SGCD: variants seen among roughly 807,000 people sequenced by gnomAD.
SGCD encodes sarcoglycan delta.
SGCD carries 18 observed loss-of-function variants against 36.6 expected under a neutral mutation model. That is an observed-to-expected ratio of 0.49 (90% CI 0.34 to 0.73). SGCD has a LOEUF of 0.73. Among genes scored for constraint, SGCD ranks in the 30% least tolerant of loss-of-function variants. The probability of loss-of-function intolerance (pLI) is 0.01; values close to 1 mark genes in which losing one functional copy is unlikely to be tolerated. For missense variants in SGCD, 387 were observed against 346.7 expected (o/e 1.12, Z -0.92); for synonymous variants, 133 against 130.6 (o/e 1.02, Z -0.12).
intron 3 of SGCD, among the ~76,000 whole-genome samples, chr5:156,124,395 T>C (rs1762119107): frequency 6.6e-6 from 1 of 152,208 alleles, no homozygotes; most frequent in Non-Finnish European, 1.5e-5. Context: ...TGCTGTGTAA[T>C]ACACTGTTTA....
chr5:156,487,996 A>G (rs2127846389), intron 3 of SGCD, among the ~76,000 whole-genome samples: 1 of 147,212 alleles, frequency 6.8e-6, no homozygotes, highest in South Asian at 2.1e-4. Context: ...ATGAATCAAC[A>G]GAAATCCTGG....
chr5:156,363,802 AT>A (rs1484016016), intron 3 of SGCD, among the ~76,000 whole-genome samples: 1 of 152,120 alleles, frequency 6.6e-6, no homozygotes, highest in Non-Finnish European at 1.5e-5. Context: ...AAATTGATTA[AT>A]TTTGTCTTTT....
At chr5:156,581,903 T>C (rs562922272) in intron 4 of SGCD, among the ~76,000 whole-genome samples, 45 of 152,270 alleles carry the variant, frequency 3.0e-4, no homozygotes, top group African/African-American at 1.0e-3. Flanking sequence ...CCTGCCCTGC[T>C]TCAGCTCACC....
intron 3 of SGCD, among the ~76,000 whole-genome samples, chr5:156,388,283 G>T (rs1771383443): frequency 6.6e-6 from 1 of 152,116 alleles, no homozygotes. Flanking sequence ...CCCTATGATA[G>T]TTTCCTTGAA....
the SGCD span, among the ~76,000 whole-genome samples, chr5:155,788,246 G>A: frequency 7.2e-5 from 11 of 152,196 alleles, no homozygotes; most frequent in East Asian, 2.1e-3. Flanking sequence ...TTCTTAAATA[G>A]TTTAAGTATT....
chr5:156,733,219 T>C (rs536486103), intron 7 of SGCD, among the ~76,000 whole-genome samples: 1 of 152,182 alleles, frequency 6.6e-6, no homozygotes, highest in Admixed American at 6.5e-5. Context: ...TCTTAACACT[T>C]CCTTAGCTGT....
intron 3 of SGCD, among the ~76,000 whole-genome samples, chr5:156,365,712 A>T (rs1770060737): frequency 6.6e-6 from 1 of 152,200 alleles, no homozygotes; most frequent in African/African-American, 2.4e-5. Flanking sequence ...GTGTATGTAG[A>T]CATATATACA....
Position 156,408,132 on chromosome 5 carries a change from C to G in SGCD, c.192+63455C>G, listed in dbSNP as rs568035556. 5.3e-5 allele frequency among the ~76,000 whole-genome samples: 8 copies of G among 152,228 alleles called. 1 individual carries two copies. Among genetic ancestry groups the G allele is most frequent in the African/African-American group, 1.9e-4 (8 of 41,550 alleles). On this transcript the variant is annotated intron_variant, in intron 3 of 8. Coordinates refer to ENST00000337851, the MANE Select transcript of SGCD (RefSeq NM_000337.6). ...ATTATGAAATCATACCACATTCTAC[C>G]AAAAGTTTATTACTATCCTCTTAGC...
chr5:155,957,718 T>C (rs2113443620), intron 1 of SGCD, among the ~76,000 whole-genome samples: 1 of 152,226 alleles, frequency 6.6e-6, no homozygotes, highest in East Asian at 1.9e-4. Context: ...TGGGCCCATG[T>C]AGATAAACCA....
At chr5:156,423,587 G>A (rs1773526774) in intron 3 of SGCD, among the ~76,000 whole-genome samples, 1 of 150,630 alleles carries the variant, frequency 6.6e-6, no homozygotes, top group African/African-American at 2.4e-5. Context: ...GTTACAATTT[G>A]CATCTTGAGA....
At chr5:155,867,638 G>C (rs1411033601), upstream of SGCD, among the ~76,000 whole-genome samples, 1 of 152,178 alleles carries the variant, frequency 6.6e-6, no homozygotes, top group African/African-American at 2.4e-5. Flanking sequence ...GTAGGAGAAA[G>C]AGGAATGATT....
At position 156,767,719 on chromosome 5, in the gene SGCD, GT is replaced by G. The variant is rs2113216578; in HGVS notation, c.*8330del. The G allele has an allele frequency of 6.6e-6, 1 of 152,224 alleles. No individual in the cohort carries two copies. Among genetic ancestry groups the G allele is most frequent in the African/African-American group, 2.4e-5 (1 of 41,544 alleles). The allele number at this position is 152,224 out of a possible 1,614,324, so 9.4% of individuals were successfully genotyped here. On this transcript the variant is annotated 3_prime_UTR_variant, in exon 9 of 9. Coordinates refer to ENST00000337851, the MANE Select transcript of SGCD (RefSeq NM_000337.6). ...ATTACACTTTCTGTATAAAAAATTT[GT>G]ATTTAATATTATTTCGACCACAGTC...
the SGCD span, among the ~76,000 whole-genome samples, chr5:155,791,988 C>T: frequency 3.3e-5 from 5 of 152,186 alleles, no homozygotes; most frequent in Admixed American, 1.3e-4. Context: ...AGAAATATCA[C>T]ATTACCCCAC....
intron 7 of SGCD, among the ~76,000 whole-genome samples, chr5:156,691,213 A>AAAAAAAG: frequency 6.6e-6 from 1 of 150,440 alleles, no homozygotes. Context: ...TCTCAAAAAA[A>AAAAAAAG]AAAAAAAAAA....
chr5:156,719,287 C>T (rs1755372711), intron 7 of SGCD, among the ~76,000 whole-genome samples: 1 of 151,964 alleles, frequency 6.6e-6, no homozygotes, highest in African/African-American at 2.4e-5. Context: ...TTGAGACTTT[C>T]AACTGATTGG....
At chr5:156,448,923 T>C (rs1753871143) in intron 3 of SGCD, among the ~76,000 whole-genome samples, 2 of 151,660 alleles carry the variant, frequency 1.3e-5, no homozygotes, top group South Asian at 4.2e-4. Context: ...CCCAGCTAAT[T>C]TTTGTATTTT....
chr5:156,217,954 T>C (rs1415536239), intron 3 of SGCD, among the ~76,000 whole-genome samples: 2 of 152,172 alleles, frequency 1.3e-5, no homozygotes, highest in African/African-American at 4.8e-5. Flanking sequence ...TCTAATATAA[T>C]TTTAATAACA....
At chr5:155,865,397 G>T (rs1755504140), upstream of SGCD, among the ~76,000 whole-genome samples, 1 of 151,930 alleles carries the variant, frequency 6.6e-6, no homozygotes, top group Non-Finnish European at 1.5e-5. Flanking sequence ...ATGTTGTTTT[G>T]GTTGAAGTAT....
chr5:156,310,968 G>A (rs1238299019), intron 3 of SGCD, among the ~76,000 whole-genome samples: 1 of 152,166 alleles, frequency 6.6e-6, no homozygotes, highest in Non-Finnish European at 1.5e-5. Flanking sequence ...GTGTCTTGTA[G>A]TGTCAACCAG....
Sources: allele counts gnomAD v4.1 joint callset (sites outside exome capture counted in the v4.1 genomes callset), GRCh38; gene constraint gnomAD v4.1.1; transcripts MANE v1.5; gene names NCBI Gene and HGNC (gene_info 2026-07-23, HGNC 2026-07-21).